Variants in RABL6 observed in about 807,000 individuals in gnomAD.
The protein encoded by RABL6 is rab-like protein 6.
RABL6 carries 28 observed loss-of-function variants against 72.9 expected under a neutral mutation model. The ratio of observed to expected loss-of-function variants is 0.38; its 90% CI spans 0.28 to 0.53. RABL6 has a LOEUF of 0.53. Among genes scored for constraint, RABL6 ranks in the 20% least tolerant of loss-of-function variants. RABL6 has a pLI of 0.80. For missense variants in RABL6, 1,029 were observed against 1,008.4 expected (o/e 1.02, Z -0.28); for synonymous variants, 477 against 421.2 (o/e 1.13, Z -1.62).
chr9:136,809,362 T>TC (rs761797948), intron 1 of RABL6: 3 of 201,614 alleles, frequency 1.5e-5, no homozygotes, highest in Non-Finnish European at 3.4e-5. Context: ...CCTTCCTTAG[T>TC]CCCCCGGCCT....
chr9:136,834,277 G>A, intron 7 of RABL6: 5 of 1,072,716 alleles, frequency 4.7e-6, no homozygotes, highest in Non-Finnish European at 5.6e-6. Flanking sequence ...TAAACTCACA[G>A]AAGGTTTTTC....
At chr9:136,834,206 T>A (rs1264735138) in intron 7 of RABL6, 12 of 1,223,148 alleles carry the variant, frequency 9.8e-6, no homozygotes, top group Non-Finnish European at 1.2e-5. Context: ...TTCAAACACA[T>A]CTCTAAAAAA....
At position 136,821,799 on chromosome 9, in the gene RABL6, G is replaced by T. The variant is rs1848243599; in HGVS notation, c.131-1726G>T. On this transcript the variant is annotated intron_variant, in intron 1 of 14. Transcript: ENST00000311502. ...GCCTCTGTTCTCCAAGTTCTCCGCG[G>T]GAGAGGGAGGGGAACGAGGGCCCAG... The T allele has an allele frequency of 5.9e-6, 7 of 1,177,852 alleles. No individual in the cohort carries two copies. In the South Asian group the frequency reaches 6.2e-5, roughly 11 times the overall value. The allele number at this position is 1,177,852 out of a possible 1,614,324, so 73.0% of individuals were successfully genotyped here.
intron 1 of RABL6, chr9:136,813,611 T>A: frequency 3.2e-6 from 1 of 310,046 alleles, no homozygotes; most frequent in Admixed American, 4.0e-5. Context: ...CCACAGCATC[T>A]TCAAACACTT....
At position 136,837,923 on chromosome 9, in the gene RABL6, C is replaced by A; in HGVS notation, c.1188C>A (p.Asp396Glu). ...TVQSVEDFVP[D>E]DRLDRSFLED... Reference sequence around the variant, plus strand: ...AGAGTGTGGAGGACTTTGTTCCTGACGACCGCCTGGACCGCAGCTTCCTGG... The same window carrying A: ...AGAGTGTGGAGGACTTTGTTCCTGAAGACCGCCTGGACCGCAGCTTCCTGG... The change falls in exon 10 of 15, where the codon GAC (aspartate) becomes GAA (glutamate). Residue 396 changes from aspartate (D) to glutamate (E), a missense_variant. Asp to Glu is a conservative substitution (Grantham distance 45, BLOSUM62 2). Transcript: ENST00000311502. 6.4e-7 allele frequency: 1 copy of A among 1,554,508 alleles called. No homozygotes were observed. Among genetic ancestry groups the A allele is most frequent in the South Asian group, 1.2e-5 (1 of 84,290 alleles).
chr9:136,831,274 C>T (rs1848467657), intron 5 of RABL6, among the ~76,000 whole-genome samples: 1 of 152,202 alleles, frequency 6.6e-6, no homozygotes. Flanking sequence ...GCCCGCTTCA[C>T]CGGCAGCCGC....
At chr9:136,834,706 T>G (rs773090080) in intron 7 of RABL6, among the ~76,000 whole-genome samples, 1 of 152,084 alleles carries the variant, frequency 6.6e-6, no homozygotes, top group Non-Finnish European at 1.5e-5. Context: ...CTCGATCTCT[T>G]GACCTCGTGA....
chr9:136,839,825 G>A lies in RABL6; in HGVS notation c.1890G>A (p.Leu630=), dbSNP rs746138129. 2 of 1,612,724 alleles carry A rather than the reference G, an allele frequency of 1.2e-6. No homozygotes were observed. Among genetic ancestry groups the A allele is most frequent in the Non-Finnish European group, 1.7e-6 (2 of 1,179,812 alleles). Residue 630 remains leucine, a synonymous_variant, in exon 13 of 15, where the codon CTG becomes CTA. Transcript: ENST00000311502. ...AGAATGACTCGGACCTCTTCGGGCTGGGGCTGGAGGAGGCCGGACCCAAGG... is the reference window on the plus strand; with the variant it reads ...AGAATGACTCGGACCTCTTCGGGCTAGGGCTGGAGGAGGCCGGACCCAAGG... The part of the protein sequence containing the change: ...RLKNDSDLFG[L]GLEEAGPKES...
intron 1 of RABL6, chr9:136,821,747 C>G: frequency 9.6e-6 from 11 of 1,146,164 alleles, no homozygotes; most frequent in Non-Finnish European, 1.1e-5. Context: ...ACAGGCCGGG[C>G]CGCCGGGCTG....
intron 1 of RABL6, among the ~76,000 whole-genome samples, chr9:136,818,389 A>AC (rs1564360854): frequency 5.2e-5 from 2 of 38,622 alleles, no homozygotes; most frequent in African/African-American, 2.0e-4. Flanking sequence ...AAAAAAAAAA[A>AC]AAAAAAAAAA....
chr9:136,823,818 C>T lies in RABL6; in HGVS notation c.265+159C>T, dbSNP rs146843404. Among the ~76,000 whole-genome samples the T allele has an allele frequency of 6.9e-3, 1,047 of 152,358 alleles. 13 individuals carry two copies. The highest frequency in any genetic ancestry group is 0.024 in the African/African-American group (1,004 of 41,584). On this transcript the variant is annotated intron_variant, in intron 2 of 14. Transcript: ENST00000311502. Reference sequence around the variant, plus strand: ...GGGCCCTGGCGTGAACTCTGGGGCTCTTTTGGGGTGGATCACCCTGCTGCC... The same window carrying T: ...GGGCCCTGGCGTGAACTCTGGGGCTTTTTTGGGGTGGATCACCCTGCTGCC...
At chr9:136,833,936 C>T in intron 7 of RABL6, 1 of 1,548,232 alleles carries the variant, frequency 6.5e-7, no homozygotes, top group Non-Finnish European at 8.7e-7. Flanking sequence ...GAGCTCCCCA[C>T]TGCTCAGCTG....
intron 3 of RABL6, 55 bp downstream of exon 3, chr9:136,825,881 G>C: frequency 6.4e-7 from 1 of 1,564,110 alleles, no homozygotes; most frequent in South Asian, 1.1e-5. Context: ...GCTCTGCGCA[G>C]AGAGGCTTCC....
intron 3 of RABL6, 130 bp downstream of exon 3, chr9:136,825,956 C>A: frequency 9.2e-7 from 1 of 1,085,592 alleles, no homozygotes. Context: ...GGTCTTGCTG[C>A]TCTGCTCCCC....
Position 136,835,505 on chromosome 9 carries a change from C to T in RABL6, c.706-237C>T. The T allele has an allele frequency of 6.2e-6, 3 of 486,142 alleles. No homozygotes were observed. In the South Asian group the frequency reaches 9.5e-5, roughly 15 times the overall value. 30.1% of individuals were successfully genotyped at this position (486,142 alleles called of 1,614,324 possible). On this transcript the variant is annotated intron_variant, in intron 7 of 14. Transcript: ENST00000311502. ...TTATGCCTGTGACTGACAGCTGTCC[C>T]CCAAGCCATGCTGGCAGTGTGTAGG...
intron 1 of RABL6, chr9:136,812,783 C>T (rs112935105): frequency 1.0e-4 from 36 of 357,530 alleles, no homozygotes; most frequent in South Asian, 7.4e-4. Context: ...GGACAGAAGC[C>T]GTTCAAACTT....
chr9:136,835,121 G>T (rs919262849), intron 7 of RABL6: 21 of 152,282 alleles, frequency 1.4e-4, no homozygotes, highest in African/African-American at 3.6e-4. Context: ...AGAAGGGGCC[G>T]GGCACGGTGG....
intron 1 of RABL6, among the ~76,000 whole-genome samples, chr9:136,820,702 CAAAG>C (rs1170688633): frequency 6.6e-6 from 1 of 151,692 alleles, no homozygotes; most frequent in African/African-American, 2.4e-5. Context: ...AAAATAAAAT[CAAAG>C]GAAGGTTTAG....
intron 1 of RABL6, chr9:136,822,197 G>A (rs966059825): frequency 2.2e-6 from 2 of 907,368 alleles, no homozygotes; most frequent in South Asian, 1.7e-5. Context: ...GAAAACCTGG[G>A]GGGGGCGTTG....
Sources: allele counts gnomAD v4.1 joint callset (sites outside exome capture counted in the v4.1 genomes callset), GRCh38; gene constraint gnomAD v4.1.1; transcripts MANE v1.5; gene names NCBI Gene and HGNC (gene_info 2026-07-23, HGNC 2026-07-21).